NRK: variants seen among roughly 807,000 people sequenced by gnomAD.
NRK encodes the protein nik-related protein kinase.
NRK carries 67 observed loss-of-function variants against 125.2 expected under a neutral mutation model. The observed-to-expected ratio is 0.54, with a 90% CI of 0.44 to 0.66. The LOEUF is 0.66. Ranked by LOEUF, NRK falls within the 30% of genes least tolerant of loss-of-function variation. NRK has a pLI of 0.00. For synonymous variants in NRK, 458 were observed against 429.0 expected, an observed-to-expected ratio of 1.07 and a Z score of -0.84; for missense variants, 1,224 against 1,192.9, an observed-to-expected ratio of 1.03 and a Z score of -0.38.
At chrX:105,889,352 C>CT (rs397769623) in intron 5 of NRK, among the ~76,000 whole-genome samples, 4 of 26 alleles carry the variant, frequency 0.15, no homozygotes, top group African/African-American at 0.2. Context: ...CAGCGTACAG[C>CT]TCCCTCCTGG....
chrX:105,929,108 G>T (rs1602684445), intron 19 of NRK, among the ~76,000 whole-genome samples: 1 of 111,607 alleles, frequency 9.0e-6, no homozygotes, highest in South Asian at 3.7e-4. Flanking sequence ...TTATTATATT[G>T]TAGTTTATCT....
chrX:105,941,803 T>C (rs1376847824), intron 23 of NRK, among the ~76,000 whole-genome samples: 1 of 111,126 alleles, frequency 9.0e-6, no homozygotes, highest in African/African-American at 3.3e-5. Context: ...AAGTGCACAA[T>C]TCAATGGGTT....
At position 105,913,692 on chromosome X, in the gene NRK, C is replaced by A. The variant is rs979505716; in HGVS notation, c.2349+937C>A. ...ACCAAATACCCAGAGTTTAAATAAT[C>A]ATAGTTTGTCAGTCTTTCTTTAAGC... On this transcript the variant is annotated intron_variant, in intron 14 of 28. Coordinates refer to ENST00000243300, the MANE Select transcript of NRK (RefSeq NM_198465.4). Among the ~76,000 whole-genome samples the A allele has an allele frequency of 3.6e-5, 4 of 111,149 alleles. No individual in the cohort carries two copies. In the East Asian group the frequency reaches 1.1e-3, roughly 31 times the overall value.
At chrX:105,839,651 T>A (rs890127980) in intron 2 of NRK, among the ~76,000 whole-genome samples, 1 of 112,402 alleles carries the variant, frequency 8.9e-6, no homozygotes, top group African/African-American at 3.2e-5. Flanking sequence ...ATTTATTGAA[T>A]GCACAGTATG....
At chrX:105,822,243 T>A (rs759712043), upstream of NRK, among the ~76,000 whole-genome samples, 6 of 96,072 alleles carry the variant, frequency 6.2e-5, no homozygotes, top group East Asian at 2.0e-3. Context: ...GGCAGCTGCC[T>A]GGAAAAAGTT....
At chrX:105,948,500 G>T (rs2040848072) in intron 26 of NRK, 1 of 362,425 alleles carries the variant, frequency 2.8e-6, no homozygotes, top group Non-Finnish European at 4.7e-6. Context: ...GTTACTTCAG[G>T]AATCATCTGA....
chrX:105,898,725 G>T lies in NRK; in HGVS notation c.711+11G>T, dbSNP rs1460892231. 2 of 1,123,657 alleles carry T rather than the reference G, an allele frequency of 1.8e-6. No homozygotes were observed. The highest frequency in any genetic ancestry group is 2.9e-5 in the Admixed American group (1 of 34,299). 92.6% of individuals were successfully genotyped at this position (1,123,657 alleles called of 1,213,427 possible). On this transcript the variant is annotated intron_variant, in intron 8 of 28. Transcript: ENST00000243300. ...TCCTATGATTACAGAGTGAGTGTGA[G>T]AATTCAGCCAGTGGAAATTACAATT...
At position 105,953,042 on chromosome X, in the gene NRK, T is replaced by G; in HGVS notation, c.4522T>G (p.Cys1508Gly). Residue 1508 changes from cysteine (C) to glycine (G), a missense_variant, in exon 28 of 29, where the codon TGT (cysteine) becomes GGT (glycine). By Grantham distance (159) the Cys-to-Gly change is radical (BLOSUM62 -3). Transcript: ENST00000243300. ...KDIPSSIAFE[C>G]TQRTTGWGQK... is the part of the protein sequence containing the mutation. ...TTTCATTTGTATTGTAGCTTTTGAA[T>G]GTACACAGCGAACCACAGGATGGGG... 2.6e-6 allele frequency: 3 copies of G among 1,165,661 alleles called. No individual in the cohort carries two copies. The highest frequency in any genetic ancestry group is 3.5e-6 in the Non-Finnish European group (3 of 867,584).
intron 16 of NRK, among the ~76,000 whole-genome samples, chrX:105,921,744 C>T (rs1445213042): frequency 9.2e-6 from 1 of 108,517 alleles, no homozygotes; most frequent in Non-Finnish European, 1.9e-5. Context: ...TGTAAGTCTA[C>T]AGATGGAAGA....
At chrX:105,833,214 G>A (rs1437416161) in intron 2 of NRK, among the ~76,000 whole-genome samples, 1 of 110,720 alleles carries the variant, frequency 9.0e-6, no homozygotes, top group African/African-American at 3.3e-5. Context: ...TCTATTAACA[G>A]AACCAATAAG....
intron 21 of NRK, among the ~76,000 whole-genome samples, chrX:105,936,849 C>T (rs1038890060): frequency 9.9e-5 from 11 of 110,908 alleles, no homozygotes; most frequent in Non-Finnish European, 1.3e-4. Context: ...CATTTGGCAA[C>T]GGTAAATTTT....
At chrX:105,920,858 T>C (rs1177019744) in intron 16 of NRK, among the ~76,000 whole-genome samples, 3 of 99,870 alleles carry the variant, frequency 3.0e-5, no homozygotes, top group African/African-American at 1.1e-4. Flanking sequence ...TGTGGAGAAA[T>C]AGGAACACTT....
At chrX:105,839,632 A>T (rs76947365) in intron 2 of NRK, among the ~76,000 whole-genome samples, 18,414 of 111,856 alleles carry the variant, frequency 0.16, 1,298 homozygotes, top group Middle Eastern at 0.3. Flanking sequence ...ATAAAAATTT[A>T]AAAAATACAT....
chrX:105,895,163 C>T lies in NRK; in HGVS notation c.490-270C>T, dbSNP rs980117071. 6.1e-6 allele frequency: 3 copies of T among 494,011 alleles called. No individual in the cohort carries two copies. In the African/African-American group the frequency reaches 7.0e-5, roughly 12 times the overall value. The allele number at this position is 494,011 out of a possible 1,213,427, so 40.7% of individuals were successfully genotyped here. On this transcript the variant is annotated intron_variant, in intron 6 of 28. Coordinates refer to ENST00000243300, the MANE Select transcript of NRK (RefSeq NM_198465.4). ...GAGGCTAAAAAGGAAGGTAAAGTGG[C>T]CCAATGTATACAAACATTACTTTTG...
At chrX:105,875,672 AAACTT>A (rs2039805960) in intron 2 of NRK, among the ~76,000 whole-genome samples, 1 of 110,199 alleles carries the variant, frequency 9.1e-6, no homozygotes. Context: ...ATTATTAACT[AAACTT>A]GAATGCGTGG....
At chrX:105,830,314 C>CAAAAAAAAAAAAAAAAAA (rs71932033) in intron 1 of NRK, among the ~76,000 whole-genome samples, 1 of 11,051 alleles carries the variant, frequency 9.0e-5, no homozygotes, top group Admixed American at 2.2e-3. Flanking sequence ...AACTCCGTCG[C>CAAAAAAAAAAAAAAAAAA]AAAAAAAAAA....
At chrX:105,940,163 A>T (rs747785608) in intron 23 of NRK, 131 bp downstream of exon 23, 2 of 470,779 alleles carry the variant, frequency 4.2e-6, no homozygotes, top group Admixed American at 8.7e-5. Flanking sequence ...GAGATCAGGG[A>T]CGTTCAGGGT....
chrX:105,917,615 C>T lies in NRK; in HGVS notation c.2455C>T (p.Pro819Ser), dbSNP rs1432861615. Reference sequence around the variant, plus strand: ...GTCTCTTTTGGAACAAGCTCAGAAGCCCATTGACATCAGACAAAGGAGTTC... The same window carrying T: ...GTCTCTTTTGGAACAAGCTCAGAAGTCCATTGACATCAGACAAAGGAGTTC... Reference protein sequence around the residue: ...QRSLLEQAQKPIDIRQRSSQN... With the variant: ...QRSLLEQAQKSIDIRQRSSQN... Residue 819 changes from proline (P) to serine (S), a missense_variant, in exon 16 of 29, where the codon CCC becomes TCC. By Grantham distance (74) the Pro-to-Ser change is moderately conservative (BLOSUM62 -1). Transcript: ENST00000243300. The T allele has an allele frequency of 1.7e-6, 2 of 1,170,489 alleles. No individual in the cohort carries two copies. Among genetic ancestry groups the T allele is most frequent in the Admixed American group, 2.4e-5 (1 of 40,886 alleles).
At chrX:105,937,288 T>A (rs1383684772) in intron 21 of NRK, 151 bp from the exon 22 acceptor site, 1 of 380,277 alleles carries the variant, frequency 2.6e-6, no homozygotes, top group East Asian at 4.2e-5. Context: ...GTAATATAGA[T>A]GCAATTATGA....
Sources: allele counts gnomAD v4.1 joint callset (sites outside exome capture counted in the v4.1 genomes callset), GRCh38; gene constraint gnomAD v4.1.1; transcripts MANE v1.5; gene names NCBI Gene and HGNC (gene_info 2026-07-23, HGNC 2026-07-21).